CNBD1: variants seen among roughly 807,000 people sequenced by gnomAD.
CNBD1 encodes cyclic nucleotide binding domain containing 1.
CNBD1 carries 71 observed loss-of-function variants against 54.4 expected under a neutral mutation model. The ratio of observed to expected loss-of-function variants is 1.30; its 90% CI spans 1.08 to 1.59. The LOEUF (loss-of-function observed/expected upper bound fraction) is 1.59, where lower values mean the gene tolerates loss of function less well. CNBD1 is among the 40% of genes most tolerant of loss of function. CNBD1 has a pLI of 0.00. For synonymous variants in CNBD1, 182 were observed against 170.7 expected (o/e 1.07, Z -0.51); for missense variants, 659 against 518.0 (o/e 1.27, Z -2.64).
chr8:86,875,086 T>C lies in CNBD1; in HGVS notation c.88+8503T>C, dbSNP rs189999561. ...TAATGCAGCACCACAGGCTCATTCT[T>C]ATCTTCTCCCTTTCTGTATTTCTAA... is the stretch of plus-strand genomic sequence containing the variant. On this transcript the variant is annotated intron_variant, in intron 1 of 10. Transcript: ENST00000518476. Among the ~76,000 whole-genome samples the C allele has an allele frequency of 5.4e-4, 82 of 150,842 alleles. No homozygotes were observed. The East Asian group carries it at 0.014, about 26-fold the overall frequency.
chr8:87,393,726 A>G (rs1811356393), intron 2 of CNBD1, among the ~76,000 whole-genome samples: 1 of 151,942 alleles, frequency 6.6e-6, no homozygotes, highest in Non-Finnish European at 1.5e-5. Flanking sequence ...ACTATGCCTG[A>G]GAAGAGGGAG....
chr8:87,160,079 A>G (rs185381487), intron 4 of CNBD1, among the ~76,000 whole-genome samples: 1 of 152,178 alleles, frequency 6.6e-6, no homozygotes, highest in Non-Finnish European at 1.5e-5. Flanking sequence ...GTATGAGTAA[A>G]TTATCAAGTA....
chr8:87,111,102 C>A (rs193099290), intron 4 of CNBD1, among the ~76,000 whole-genome samples: 66 of 152,298 alleles, frequency 4.3e-4, no homozygotes, highest in Admixed American at 4.1e-3. Flanking sequence ...CTAATCTCTG[C>A]AATTAACCCT....
At chr8:87,396,072 C>T (rs1487030847) in intron 2 of CNBD1, among the ~76,000 whole-genome samples, 1 of 151,842 alleles carries the variant, frequency 6.6e-6, no homozygotes, top group Non-Finnish European at 1.5e-5. Context: ...TCTTTATGAG[C>T]AGAGTGAGAA....
chr8:87,262,712 T>A (rs1315469176), intron 6 of CNBD1, among the ~76,000 whole-genome samples: 1 of 152,156 alleles, frequency 6.6e-6, no homozygotes, highest in Non-Finnish European at 1.5e-5. Context: ...TTCTGCTACT[T>A]GAGATAAATT....
At chr8:87,390,999 C>A (rs564889914) in intron 2 of CNBD1, among the ~76,000 whole-genome samples, 7 of 152,020 alleles carry the variant, frequency 4.6e-5, no homozygotes, top group South Asian at 2.1e-4. Context: ...GGACAAAAAA[C>A]CAAACACCGC....
intron 4 of CNBD1, among the ~76,000 whole-genome samples, chr8:87,076,603 T>C (rs1343621882): frequency 3.9e-5 from 6 of 152,042 alleles, no homozygotes; most frequent in African/African-American, 1.4e-4. Flanking sequence ...CCACCATGTC[T>C]GGATAATTTT....
At chr8:87,117,415 A>G (rs182840012) in intron 4 of CNBD1, among the ~76,000 whole-genome samples, 6,805 of 151,158 alleles carry the variant, frequency 0.045, 241 homozygotes, top group Non-Finnish European at 0.073. Context: ...AAAAAAAAAA[A>G]GAACTGAGAA....
intron 8 of CNBD1, among the ~76,000 whole-genome samples, chr8:87,306,725 C>T (rs1809159509): frequency 6.6e-6 from 1 of 150,678 alleles, no homozygotes; most frequent in South Asian, 2.1e-4. Context: ...GACACAAAGG[C>T]ATAAGAATGA....
At chr8:87,210,672 G>A (rs1814077816) in intron 5 of CNBD1, among the ~76,000 whole-genome samples, 1 of 152,170 alleles carries the variant, frequency 6.6e-6, no homozygotes, top group Non-Finnish European at 1.5e-5. Flanking sequence ...TCCATGTAGT[G>A]TTAAGCCTGT....
chr8:87,260,463 G>C (rs891353424), intron 6 of CNBD1, among the ~76,000 whole-genome samples: 1 of 152,132 alleles, frequency 6.6e-6, no homozygotes, highest in African/African-American at 2.4e-5. Flanking sequence ...CAAATTCATA[G>C]CACAAAATGC....
At chr8:87,147,215 T>C (rs1413740617) in intron 4 of CNBD1, among the ~76,000 whole-genome samples, 10 of 152,152 alleles carry the variant, frequency 6.6e-5, no homozygotes, top group African/African-American at 2.4e-4. Flanking sequence ...CTCTATGTGA[T>C]ATGTTATTAT....
At chr8:86,940,391 T>A (rs1809633276) in intron 4 of CNBD1, among the ~76,000 whole-genome samples, 1 of 152,116 alleles carries the variant, frequency 6.6e-6, no homozygotes, top group Non-Finnish European at 1.5e-5. Flanking sequence ...GGTCTCGAAC[T>A]CCTGACCTCA....
Position 87,324,978 on chromosome 8 carries a change from G to A in CNBD1, c.1043-26707G>A, listed in dbSNP as rs866572982. 1.1e-3 allele frequency among the ~76,000 whole-genome samples: 111 copies of A among 105,354 alleles called. 3 individuals carry two copies. The highest frequency in any genetic ancestry group is 4.8e-3 in the African/African-American group (100 of 20,754). 69.1% of individuals were successfully genotyped at this position (105,354 alleles called of 152,430 possible). ...TCCCTCTACACACTGCTTTGAATGC[G>A]TCCCAGAGATTCTGGTATGTTGTGT... On this transcript the variant is annotated intron_variant, in intron 8 of 10. Coordinates refer to ENST00000518476, the MANE Select transcript of CNBD1 (RefSeq NM_173538.3).
rs71275901 is a variant in CNBD1 at position 86,951,581 on chromosome 8, C to CAAAAAAAAAAAAAAAAA, written c.431+11849_431+11865dup. On this transcript the variant is annotated intron_variant, in intron 4 of 10. Transcript: ENST00000518476. Reference sequence around the variant, plus strand: ...GGTGACAGAGCGAGGCTCCGTCTCACAAAAAAAAAAAAAAAAAAAAAAAAA... The same window carrying CAAAAAAAAAAAAAAAAA: ...GGTGACAGAGCGAGGCTCCGTCTCACAAAAAAAAAAAAAAAAAAAAAAAAAAAAAAAAAAAAAAAAAA... 6.0e-3 allele frequency among the ~76,000 whole-genome samples: 224 copies of CAAAAAAAAAAAAAAAAA among 37,360 alleles called. 84 individuals carry two copies. Among genetic ancestry groups the CAAAAAAAAAAAAAAAAA allele is most frequent in the Middle Eastern group, 0.038 (1 of 26 alleles). The allele number at this position is 37,360 out of a possible 152,430, so 24.5% of individuals were successfully genotyped here.
downstream of CNBD1, among the ~76,000 whole-genome samples, chr8:87,387,681 A>G (rs1811219052): frequency 4.6e-5 from 7 of 152,304 alleles, no homozygotes; most frequent in South Asian, 1.5e-3. Flanking sequence ...CCCACTGTCA[A>G]CATTAGACAG....
intron 2 of CNBD1, among the ~76,000 whole-genome samples, chr8:86,904,816 T>C (rs1047049293): frequency 6.6e-6 from 1 of 152,116 alleles, no homozygotes; most frequent in African/African-American, 2.4e-5. Context: ...TATAGAAATA[T>C]GAGTTTTAAA....
chr8:87,092,126 G>A (rs1811217612), intron 4 of CNBD1, among the ~76,000 whole-genome samples: 1 of 152,048 alleles, frequency 6.6e-6, no homozygotes, highest in African/African-American at 2.4e-5. Flanking sequence ...GAAATAGTCA[G>A]GATAGAAATT....
At chr8:87,342,287 A>G (rs561284460) in intron 8 of CNBD1, among the ~76,000 whole-genome samples, 2 of 151,946 alleles carry the variant, frequency 1.3e-5, no homozygotes, top group Non-Finnish European at 1.5e-5. Flanking sequence ...AGAAAAAAAA[A>G]AAAAAGAAAA....
Sources: gnomAD v4.1 joint callset for allele counts (sites outside exome capture counted in the v4.1 genomes callset) on GRCh38, gnomAD v4.1.1 for gene constraint, MANE v1.5 for transcripts, NCBI Gene and HGNC (gene_info 2026-07-23, HGNC 2026-07-21) for gene names.